SCART1: variants seen among roughly 807,000 people sequenced by gnomAD.
SCART1 encodes scavenger receptor family member expressed on T cells 1, also known as scavenger receptor cysteine-rich domain-containing protein SCART1.
In SCART1, 62 loss-of-function variants were observed where a neutral mutation model predicts 36.2. The ratio of observed to expected loss-of-function variants is 1.71; its 90% CI spans 1.40 to 2.12. The LOEUF (loss-of-function observed/expected upper bound fraction) is 2.12. SCART1 is among the 30% of genes most tolerant of loss of function. SCART1 has a pLI of 0.00. For synonymous variants in SCART1, 487 were observed against 238.7 expected, an observed-to-expected ratio of 2.04 and a Z score of -9.59; for missense variants, 1,041 against 540.5, an observed-to-expected ratio of 1.93 and a Z score of -9.18.
At chr10:133,458,605 G>T (rs1204895661) in exon 4 of SCART1, 3 of 696,826 alleles carry the variant, frequency 4.3e-6, no homozygotes, top group Non-Finnish European at 7.8e-6. Flanking sequence ...CTGCCCACGG[G>T]GGCGTGGGAG....
intron 6 of SCART1, among the ~76,000 whole-genome samples, chr10:133,462,900 G>T (rs761274576): frequency 6.6e-6 from 1 of 152,166 alleles, no homozygotes; most frequent in Non-Finnish European, 1.5e-5. Flanking sequence ...GTGGAAACAG[G>T]CAGGGGATAC....
rs1850667369 is a variant in SCART1 at position 133,459,558 on chromosome 10, GGCGTGTGGGGCCGC to G, written c.1359_1372del (p.Val454ProfsTer27). The G allele has an allele frequency of 1.5e-6, 1 of 681,732 alleles. No individual in the cohort carries two copies. The allele number at this position is 681,732 out of a possible 1,614,324, so 42.2% of individuals were successfully genotyped here. ...CGGCCGCGTGGAGGTCTCCCTGGAT[GGCGTGTGGGGCCGC>G]GTCCTGGACGATGCCTGGGACCTGC... is the stretch of plus-strand genomic sequence containing the variant. On this transcript the variant is annotated frameshift_variant, in exon 6 of 12. Transcript: ENST00000640237. LOFTEE classifies it high-confidence loss of function.
At chr10:133,463,295 C>A (rs958272959) in intron 6 of SCART1, among the ~76,000 whole-genome samples, 1 of 152,100 alleles carries the variant, frequency 6.6e-6, no homozygotes, top group Non-Finnish European at 1.5e-5. Context: ...CACAAAGTTA[C>A]GTTTGGTTTT....
At chr10:133,468,153 C>A in exon 12 of SCART1, 1 of 492,098 alleles carries the variant, frequency 2.0e-6, no homozygotes, top group East Asian at 3.1e-5. Context: ...CTTCGAGGGC[C>A]ATCTGCTGTG....
Position 133,465,580 on chromosome 10 carries a change from G to A in SCART1, c.2659+15G>A. The stretch of plus-strand genomic sequence containing the variant: ...GCGCTGCTGGGGTGAGTGGGGGGCG[G>A]TGGGAAGTCGGTCATGGGGCCGGCA... On this transcript the variant is annotated intron_variant, in intron 9 of 11. Transcript: ENST00000640237. The A allele has an allele frequency of 1.7e-6, 1 of 572,366 alleles. No homozygotes were observed. The allele number at this position is 572,366 out of a possible 1,614,324, so 35.5% of individuals were successfully genotyped here.
chr10:133,466,721 A>T (rs11598859), intron 10 of SCART1, among the ~76,000 whole-genome samples: 8,616 of 152,308 alleles, frequency 0.057, 274 homozygotes, highest in East Asian at 0.14. Context: ...GCTTAAGGGC[A>T]GGATTTACAG....
chr10:133,457,280 C>T (rs914067170), exon 3 of SCART1: 23 of 700,768 alleles, frequency 3.3e-5, no homozygotes, highest in Admixed American at 4.0e-5. Context: ...GCTCCACAGA[C>T]GGCACTTTCC....
intron 9 of SCART1, chr10:133,465,962 G>C (rs970532102): frequency 5.9e-6 from 4 of 674,672 alleles, no homozygotes; most frequent in Non-Finnish European, 8.2e-6. Context: ...TCTGTGCTCT[G>C]GTCACCTCTT....
At chr10:133,460,554 T>TATTTATTTA in intron 6 of SCART1, among the ~76,000 whole-genome samples, 1 of 150,094 alleles carries the variant, frequency 6.7e-6, no homozygotes, top group African/African-American at 2.5e-5. Flanking sequence ...TTTATTTATT[T>TATTTATTTA]TGAGACGGTC....
intron 4 of SCART1, 152 bp downstream of exon 4, chr10:133,458,808 G>T (rs866770725): frequency 3.0e-6 from 2 of 667,136 alleles, no homozygotes; most frequent in African/African-American, 3.7e-5. Flanking sequence ...GAGACTGGGT[G>T]TAGAGTGATG....
At chr10:133,463,386 G>C (rs1486246882) in intron 6 of SCART1, among the ~76,000 whole-genome samples, 1 of 151,966 alleles carries the variant, frequency 6.6e-6, no homozygotes, top group Admixed American at 6.6e-5. Flanking sequence ...TCCTCCTGCT[G>C]TATGTTGGGT....
Position 133,461,070 on chromosome 10 carries a change from T to TTTA in SCART1, c.1969+921_1969+923dup, listed in dbSNP as rs138591920. ...ACTATTTTTGAGATGGTGGATGAGCTTTATTATTATTATTATTATTATTCA... is the reference window on the plus strand; with the variant it reads ...ACTATTTTTGAGATGGTGGATGAGCTTTATTATTATTATTATTATTATTATTCA... On this transcript the variant is annotated intron_variant, in intron 6 of 11. Transcript: ENST00000640237. 3.5e-3 allele frequency among the ~76,000 whole-genome samples: 526 copies of TTTA among 151,680 alleles called. 2 individuals carry two copies. The highest frequency in any genetic ancestry group is 8.3e-3 in the East Asian group (43 of 5,170).
intron 6 of SCART1, 113 bp from the exon 7 acceptor site, chr10:133,464,493 G>A (rs1850739273): frequency 1.3e-5 from 8 of 601,004 alleles, no homozygotes; most frequent in Admixed American, 3.0e-5. Context: ...GCTCTATACT[G>A]TTTCTATAAC....
intron 10 of SCART1, 156 bp from the exon 11 acceptor site, chr10:133,467,042 A>T (rs994329614): frequency 1.9e-6 from 1 of 539,220 alleles, no homozygotes; most frequent in Non-Finnish European, 3.3e-6. Flanking sequence ...GGGCACTGGG[A>T]GTCTGGCTAT....
At chr10:133,454,747 C>T (rs957927251) in intron 1 of SCART1, among the ~76,000 whole-genome samples, 4 of 151,962 alleles carry the variant, frequency 2.6e-5, no homozygotes, top group East Asian at 3.9e-4. Flanking sequence ...CCCAGCAGGG[C>T]GGTGACCTGG....
At chr10:133,469,037 A>G (rs1284897497) in exon 12 of SCART1, 1 of 152,192 alleles carries the variant, frequency 6.6e-6, no homozygotes, top group Non-Finnish European at 1.5e-5. Context: ...CCTCTCCAGC[A>G]TCTGTTGTTT....
intron 6 of SCART1, among the ~76,000 whole-genome samples, chr10:133,462,674 C>T (rs1042604500): frequency 1.7e-4 from 26 of 152,196 alleles, no homozygotes; most frequent in African/African-American, 6.0e-4. Flanking sequence ...TCCCTTAGTG[C>T]CTTCAGTCAC....
At chr10:133,459,786 G>T in exon 6 of SCART1, 1 of 673,710 alleles carries the variant, frequency 1.5e-6, no homozygotes, top group Non-Finnish European at 2.7e-6. Flanking sequence ...CTCGCGGGAC[G>T]CCGGCGTGGT....
At chr10:133,458,939 G>A (rs1850657038) in intron 4 of SCART1, 82 bp from the exon 5 acceptor site, 2 of 627,394 alleles carry the variant, frequency 3.2e-6, no homozygotes, top group African/African-American at 1.8e-5. Context: ...ATCCCACTGG[G>A]TGTGAAGGAA....
Sources: allele counts gnomAD v4.1 joint callset (sites outside exome capture counted in the v4.1 genomes callset), GRCh38; gene constraint gnomAD v4.1.1; transcripts MANE v1.5; gene names NCBI Gene and HGNC (gene_info 2026-07-23, HGNC 2026-07-21).